Variants in CASD1 observed in about 807,000 individuals in gnomAD.
The protein encoded by CASD1 is CAS1 domain sialic acid O acetyltransferase 1, also known as N-acetylneuraminate (7)9-O-acetyltransferase.
CASD1 carries 41 observed loss-of-function variants against 100.0 expected under a neutral mutation model. The observed-to-expected ratio is 0.41, with a 90% CI of 0.32 to 0.53. The LOEUF (loss-of-function observed/expected upper bound fraction) is 0.53. CASD1 is among the 20% of genes least tolerant of loss of function. The probability of loss-of-function intolerance (pLI) is 0.25; values close to 1 mark genes in which losing one functional copy is unlikely to be tolerated. For missense variants in CASD1, 774 were observed against 948.7 expected, an observed-to-expected ratio of 0.82 and a Z score of 2.42; for synonymous variants, 321 against 315.6, an observed-to-expected ratio of 1.02 and a Z score of -0.18.
chr7:94,589,932 T>G, the CASD1 span: 1 of 152,384 alleles, frequency 6.6e-6, no homozygotes, highest in Non-Finnish European at 1.5e-5. Flanking sequence ...TGGTCTGACA[T>G]GAAACCAGTT....
chr7:94,534,279 G>A (rs887483994), intron 7 of CASD1, among the ~76,000 whole-genome samples: 7 of 146,752 alleles, frequency 4.8e-5, no homozygotes, highest in South Asian at 2.1e-4. Context: ...CGATCCTTCC[G>A]CCTCAGCCTC....
chr7:94,588,967 A>G, the CASD1 span: 1 of 533,766 alleles, frequency 1.9e-6, no homozygotes, highest in Non-Finnish European at 3.4e-6. Context: ...TATACTCTAA[A>G]GTACCTCACA....
the CASD1 span, among the ~76,000 whole-genome samples, chr7:94,584,809 C>A: frequency 6.6e-6 from 1 of 152,162 alleles, no homozygotes; most frequent in Admixed American, 6.5e-5. Context: ...TAACTATTCT[C>A]TTTTTGTGTA....
At chr7:94,579,599 G>T in the CASD1 span, among the ~76,000 whole-genome samples, 1 of 152,152 alleles carries the variant, frequency 6.6e-6, no homozygotes. Flanking sequence ...CTGATCGTTA[G>T]ATTCTGGCAA....
chr7:94,620,404 C>T, the CASD1 span: 1 of 151,946 alleles, frequency 6.6e-6, no homozygotes, highest in South Asian at 2.1e-4. Flanking sequence ...AATGTATAGC[C>T]CATCTGCAAT....
intron 16 of CASD1, chr7:94,554,188 C>G: frequency 5.3e-6 from 1 of 187,510 alleles, no homozygotes; most frequent in Middle Eastern, 2.1e-3. Context: ...ACTTTTTCTA[C>G]ACAAAGGGCC....
At chr7:94,565,858 T>C in the CASD1 span, among the ~76,000 whole-genome samples, 1 of 152,172 alleles carries the variant, frequency 6.6e-6, no homozygotes, top group South Asian at 2.1e-4. Context: ...AGGAAAATAC[T>C]TGTGAAGGAT....
chr7:94,517,521 A>G (rs1178061805), intron 1 of CASD1, 39 bp from the exon 2 acceptor site: 1 of 1,301,154 alleles, frequency 7.7e-7, no homozygotes, highest in South Asian at 1.3e-5. Flanking sequence ...GTAAAATTTT[A>G]ACTATTGTTT....
chr7:94,582,667 C>T, the CASD1 span, among the ~76,000 whole-genome samples: 1 of 152,172 alleles, frequency 6.6e-6, no homozygotes, highest in Non-Finnish European at 1.5e-5. Flanking sequence ...TTGGTATCAA[C>T]CAAACTTTAG....
the CASD1 span, among the ~76,000 whole-genome samples, chr7:94,583,715 T>G: frequency 2.0e-5 from 3 of 152,128 alleles, no homozygotes; most frequent in Non-Finnish European, 2.9e-5. Context: ...GTATTTTAGA[T>G]CAAGGGATTA....
chr7:94,589,017 A>G, the CASD1 span: 2 of 420,824 alleles, frequency 4.8e-6, no homozygotes, highest in Admixed American at 7.0e-5. Context: ...TTCCCATTTT[A>G]TGGGTGAAGA....
chr7:94,568,986 A>C, the CASD1 span, among the ~76,000 whole-genome samples: 1 of 152,176 alleles, frequency 6.6e-6, no homozygotes, highest in African/African-American at 2.4e-5. Flanking sequence ...CAAATGGACT[A>C]AGAGGGGAAG....
At chr7:94,624,365 C>A in the CASD1 span, 4 of 395,674 alleles carry the variant, frequency 1.0e-5, no homozygotes, top group South Asian at 5.3e-4. Flanking sequence ...AAGTTGCAGT[C>A]ATTGAAAATA....
At chr7:94,596,755 G>A in the CASD1 span, among the ~76,000 whole-genome samples, 1 of 152,054 alleles carries the variant, frequency 6.6e-6, no homozygotes, top group Non-Finnish European at 1.5e-5. Flanking sequence ...AAACAATTTG[G>A]TTAGCTACAG....
chr7:94,537,969 C>A, intron 9 of CASD1, 75 bp downstream of exon 9: 1 of 833,348 alleles, frequency 1.2e-6, no homozygotes, highest in Non-Finnish European at 1.9e-6. Flanking sequence ...GAACTAATAT[C>A]ATTTATCATG....
In CASD1 at chr7:94,528,269, T is replaced by C; in HGVS notation, c.459+19T>C. The C allele has an allele frequency of 6.8e-7, 1 of 1,480,330 alleles. No individual in the cohort carries two copies. Among genetic ancestry groups the C allele is most frequent in the Non-Finnish European group, 9.0e-7 (1 of 1,106,886 alleles). 91.7% of individuals were successfully genotyped at this position (1,480,330 alleles called of 1,614,324 possible). ...GACTGAGGTCTGTATTTAAAAAACATAGGCTTTTTTTTTTTTTATTTTTAT... is the reference window on the plus strand; with the variant it reads ...GACTGAGGTCTGTATTTAAAAAACACAGGCTTTTTTTTTTTTTATTTTTAT... On this transcript the variant is annotated intron_variant, in intron 5 of 17. Coordinates refer to ENST00000297273, the MANE Select transcript of CASD1 (RefSeq NM_022900.5).
chr7:94,526,494 T>C lies in CASD1; in HGVS notation c.352-668T>C, dbSNP rs529544187. 2.2e-4 allele frequency among the ~76,000 whole-genome samples: 34 copies of C among 152,288 alleles called. 1 individual carries two copies. In the East Asian group the frequency reaches 5.8e-3, roughly 26 times the overall value. Reference sequence around the variant, plus strand: ...GGAAGCAGTCCATTTCTGAGATGAATAGTAATACAAGTGCTGGGCACGGTG... The same window carrying C: ...GGAAGCAGTCCATTTCTGAGATGAACAGTAATACAAGTGCTGGGCACGGTG... On this transcript the variant is annotated intron_variant, in intron 3 of 17. Coordinates refer to ENST00000297273, the MANE Select transcript of CASD1 (RefSeq NM_022900.5).
At chr7:94,534,321 C>T (rs900050630) in intron 7 of CASD1, among the ~76,000 whole-genome samples, 1 of 151,872 alleles carries the variant, frequency 6.6e-6, no homozygotes, top group Non-Finnish European at 1.5e-5. Flanking sequence ...TGTGCACCAC[C>T]ACACCCAGCT....
Position 94,555,692 on chromosome 7 carries a change from A to C in CASD1, c.2328A>C (p.Ala776=). 6.2e-7 allele frequency: 1 copy of C among 1,613,376 alleles called. No individual in the cohort carries two copies. The highest frequency in any genetic ancestry group is 1.1e-5 in the South Asian group (1 of 91,078). ...KDNSSLLKRL[A]CIAAFFCGLL... is the part of the protein sequence containing the mutation. ...ACTCATCTCTCTTGAAAAGGTTGGC[A>C]TGTATAGCTGCATTTTTTTGTGGAC... is the stretch of plus-strand genomic sequence containing the variant. The change falls in exon 18 of 18, where the codon GCA becomes GCC. Residue 776 remains alanine (A), a synonymous_variant. Coordinates refer to ENST00000297273, the MANE Select transcript of CASD1 (RefSeq NM_022900.5).
Sources: allele counts gnomAD v4.1 joint callset (sites outside exome capture counted in the v4.1 genomes callset), GRCh38; gene constraint gnomAD v4.1.1; transcripts MANE v1.5; gene names NCBI Gene and HGNC (gene_info 2026-07-23, HGNC 2026-07-21).